Variants in NUDCD3 observed in about 807,000 individuals in gnomAD.
The protein encoded by NUDCD3 is nudC domain-containing protein 3.
Under a neutral mutation model 39.7 loss-of-function variants are expected in NUDCD3, and 13 were observed. The ratio of observed to expected loss-of-function variants is 0.33; its 90% CI spans 0.21 to 0.52. The LOEUF (loss-of-function observed/expected upper bound fraction) is 0.52. NUDCD3 is among the 20% of genes least tolerant of loss of function. NUDCD3 has a pLI of 0.96. For synonymous variants in NUDCD3, 175 were observed against 172.4 expected (o/e 1.02, Z -0.12); for missense variants, 453 against 458.1 (o/e 0.99, Z 0.10).
chr7:44,480,728 G>A (rs1301225575), intron 2 of NUDCD3, among the ~76,000 whole-genome samples: 1 of 151,930 alleles, frequency 6.6e-6, no homozygotes, highest in Non-Finnish European at 1.5e-5. Context: ...GATCACTTGA[G>A]CTCACCAGTT....
At chr7:44,467,837 G>T in intron 2 of NUDCD3, 47 of 1,104,046 alleles carry the variant, frequency 4.3e-5, no homozygotes, top group East Asian at 7.5e-5. Flanking sequence ...AAAAAGAAAA[G>T]AAAAGGCTCT....
intron 2 of NUDCD3, among the ~76,000 whole-genome samples, chr7:44,459,100 T>C (rs1309799658): frequency 1.3e-5 from 2 of 152,118 alleles, no homozygotes; most frequent in Non-Finnish European, 2.9e-5. Context: ...TTCAACAATG[T>C]TGTGTTGTTT....
intron 2 of NUDCD3, among the ~76,000 whole-genome samples, chr7:44,449,092 A>T (rs568311869): frequency 6.6e-6 from 1 of 152,348 alleles, no homozygotes; most frequent in East Asian, 1.9e-4. Context: ...GTATGGCTTC[A>T]GGCTCTGGGA....
chr7:44,471,714 G>A (rs1800262601), intron 2 of NUDCD3: 1 of 152,286 alleles, frequency 6.6e-6, no homozygotes, highest in African/African-American at 2.4e-5. Flanking sequence ...CAGAGTAGAA[G>A]TGACACACAG....
intron 5 of NUDCD3, among the ~76,000 whole-genome samples, chr7:44,386,834 G>A (rs1347692007): frequency 6.6e-6 from 1 of 152,136 alleles, no homozygotes; most frequent in Admixed American, 6.5e-5. Flanking sequence ...CATGGCAGGG[G>A]ACATCAGGGA....
At chr7:44,454,805 C>G (rs536345989) in intron 2 of NUDCD3, among the ~76,000 whole-genome samples, 1 of 152,078 alleles carries the variant, frequency 6.6e-6, no homozygotes, top group African/African-American at 2.4e-5. Flanking sequence ...CACTGGCATG[C>G]ACCTGTGATC....
In NUDCD3 at chr7:44,381,579, GA is replaced by G. The variant is rs1302708775; in HGVS notation, c.*4431del. On this transcript the variant is annotated 3_prime_UTR_variant, in exon 6 of 6. Coordinates refer to ENST00000355451, the MANE Select transcript of NUDCD3 (RefSeq NM_015332.4). ...TAGACTACAAAGTCCCTCAGGCCCTGACCAGCTCTGGGGAAGAAGGCCTAGG... is the reference window on the plus strand; with the variant it reads ...TAGACTACAAAGTCCCTCAGGCCCTGCCAGCTCTGGGGAAGAAGGCCTAGG... The G allele has an allele frequency of 6.6e-6, 1 of 152,216 alleles. No homozygotes were observed. Among genetic ancestry groups the G allele is most frequent in the African/African-American group, 2.4e-5 (1 of 41,436 alleles). 9.4% of individuals were successfully genotyped at this position (152,216 alleles called of 1,614,324 possible).
chr7:44,481,925 C>T (rs896152848), intron 2 of NUDCD3, among the ~76,000 whole-genome samples: 11 of 152,164 alleles, frequency 7.2e-5, no homozygotes, highest in African/African-American at 2.7e-4. Flanking sequence ...AAGGTAACTA[C>T]GAATCAGAAT....
chr7:44,489,910 G>A (rs1285707558), intron 1 of NUDCD3: 1 of 152,694 alleles, frequency 6.5e-6, no homozygotes, highest in African/African-American at 2.4e-5. Context: ...GGAGGGTACG[G>A]AATTAAGCTC....
At chr7:44,469,111 A>C (rs964983918) in intron 2 of NUDCD3, among the ~76,000 whole-genome samples, 10 of 145,172 alleles carry the variant, frequency 6.9e-5, no homozygotes, top group Admixed American at 5.5e-4. Context: ...TCAAACAAAC[A>C]AACCAAAAAA....
Position 44,415,428 on chromosome 7 carries a change from T to C in NUDCD3, c.643-10845A>G, listed in dbSNP as rs113200427. Among the ~76,000 whole-genome samples the C allele has an allele frequency of 2.3e-3, 352 of 152,372 alleles. 2 individuals are homozygous for C. Among genetic ancestry groups the C allele is most frequent in the African/African-American group, 7.8e-3 (326 of 41,590 alleles). ...TGGAAAAGACCTAACCACATTTTAC[T>C]AATGTATGAAATTAAAAGCTTCATT... is the stretch of plus-strand genomic sequence containing the variant. On this transcript the variant is annotated intron_variant, in intron 3 of 5. Coordinates refer to ENST00000355451, the MANE Select transcript of NUDCD3 (RefSeq NM_015332.4).
intron 3 of NUDCD3, among the ~76,000 whole-genome samples, chr7:44,423,221 A>G (rs1799173136): frequency 6.6e-6 from 1 of 152,210 alleles, no homozygotes; most frequent in South Asian, 2.1e-4. Context: ...ACTGCCTTTG[A>G]AAAGCGGCAC....
chr7:44,449,136 A>G (rs1799741092), intron 2 of NUDCD3, among the ~76,000 whole-genome samples: 1 of 152,230 alleles, frequency 6.6e-6, no homozygotes, highest in Non-Finnish European at 1.5e-5. Context: ...AAACTGCAGA[A>G]AGAAGAAAGG....
intron 2 of NUDCD3, among the ~76,000 whole-genome samples, chr7:44,462,079 C>T (rs937419361): frequency 2.6e-5 from 4 of 152,080 alleles, no homozygotes; most frequent in African/African-American, 9.7e-5. Context: ...ATAGCACATG[C>T]AAAGCATATT....
intron 3 of NUDCD3, among the ~76,000 whole-genome samples, chr7:44,418,373 T>C (rs1799070532): frequency 6.6e-6 from 1 of 152,234 alleles, no homozygotes; most frequent in African/African-American, 2.4e-5. Context: ...ACCACTTGTA[T>C]GTATAGAGTA....
chr7:44,403,804 C>A (rs1798767096), intron 4 of NUDCD3, among the ~76,000 whole-genome samples: 1 of 152,214 alleles, frequency 6.6e-6, no homozygotes, highest in African/African-American at 2.4e-5. Flanking sequence ...CCTGTAAACA[C>A]CCCAGTAGGA....
chr7:44,400,664 C>T (rs1192589935), intron 4 of NUDCD3, among the ~76,000 whole-genome samples: 1 of 152,212 alleles, frequency 6.6e-6, no homozygotes, highest in African/African-American at 2.4e-5. Context: ...GTCAGTAGGG[C>T]CATGCTCCTG....
At position 44,385,952 on chromosome 7, in the gene NUDCD3, G is replaced by T. The variant is rs1585045891; in HGVS notation, c.*59C>A. On this transcript the variant is annotated 3_prime_UTR_variant, in exon 6 of 6. Transcript: ENST00000355451. Reference sequence around the variant, plus strand: ...CCCTGGAATGCAGGGAGCCAAGAAGGGCAGCCGAGGATAAGGCTCTGCCTC... The same window carrying T: ...CCCTGGAATGCAGGGAGCCAAGAAGTGCAGCCGAGGATAAGGCTCTGCCTC... The T allele has an allele frequency of 1.2e-6, 1 of 861,238 alleles. No individual in the cohort carries two copies. The allele number at this position is 861,238 out of a possible 1,614,324, so 53.3% of individuals were successfully genotyped here.
In NUDCD3 at chr7:44,417,448, C is replaced by T. The variant is rs1207948526; in HGVS notation, c.642+10123G>A. 2.0e-5 allele frequency among the ~76,000 whole-genome samples: 3 copies of T among 152,280 alleles called. No individual in the cohort carries two copies. In the South Asian group the frequency reaches 6.2e-4, roughly 32 times the overall value. The stretch of plus-strand genomic sequence containing the variant: ...GTGAAAGCTGTTAGCTAACCTGGGT[C>T]TCTTGAGTCAAAAAAAGAGAAAATA... On this transcript the variant is annotated intron_variant, in intron 3 of 5. Transcript: ENST00000355451.
Sources: allele counts gnomAD v4.1 joint callset (sites outside exome capture counted in the v4.1 genomes callset), GRCh38; gene constraint gnomAD v4.1.1; transcripts MANE v1.5; gene names NCBI Gene and HGNC (gene_info 2026-07-23, HGNC 2026-07-21).